Variants in ERICH1 observed in about 807,000 individuals in gnomAD.
The protein encoded by ERICH1 is glutamate-rich protein 1.
Under a neutral mutation model 39.6 loss-of-function variants are expected in ERICH1, and 56 were observed. The ratio of observed to expected loss-of-function variants is 1.41; its 90% CI spans 1.14 to 1.77. ERICH1 has a LOEUF of 1.77. Among genes scored for constraint, ERICH1 ranks in the 40% most tolerant of loss-of-function variants. The probability of loss-of-function intolerance (pLI) is 0.00; values close to 1 mark genes in which losing one functional copy is unlikely to be tolerated. For synonymous variants in ERICH1, 313 were observed against 223.6 expected, an observed-to-expected ratio of 1.40 and a Z score of -3.57; for missense variants, 826 against 575.4, an observed-to-expected ratio of 1.44 and a Z score of -4.45.
At chr8:677,101 G>A (rs1186871599) in intron 3 of ERICH1, among the ~76,000 whole-genome samples, 2 of 152,216 alleles carry the variant, frequency 1.3e-5, no homozygotes, top group East Asian at 3.8e-4. Flanking sequence ...TGCTGGACAG[G>A]AACCCTGCAG....
intron 3 of ERICH1, among the ~76,000 whole-genome samples, chr8:627,644 G>A (rs1326991011): frequency 1.3e-5 from 2 of 152,160 alleles, no homozygotes; most frequent in East Asian, 1.9e-4. Context: ...ACGGAGGTCC[G>A]GGGTGCCTCC....
intron 3 of ERICH1, among the ~76,000 whole-genome samples, chr8:638,376 A>G (rs1798617803): frequency 6.6e-6 from 1 of 152,058 alleles, no homozygotes; most frequent in South Asian, 2.1e-4. Context: ...TGTTCTTCGG[A>G]GAGGAGGCCT....
intron 2 of ERICH1, among the ~76,000 whole-genome samples, chr8:712,979 TCAA>T (rs1327284786): frequency 1.3e-5 from 2 of 152,224 alleles, no homozygotes; most frequent in African/African-American, 4.8e-5. Flanking sequence ...CTGGGCGAAG[TCAA>T]CAACAGACAT....
chr8:705,341 G>A lies in ERICH1; in HGVS notation c.169+10520C>T, dbSNP rs537489942. Among the ~76,000 whole-genome samples the A allele has an allele frequency of 4.6e-5, 7 of 152,362 alleles. No individual in the cohort carries two copies. In the South Asian group the frequency reaches 1.4e-3, roughly 32 times the overall value. On this transcript the variant is annotated intron_variant, in intron 2 of 5. Transcript: ENST00000262109. ...ACACTGCGCGATGGCCCGTGCAGAA[G>A]TGACCCACGGTTCTTACGTTTTTTA... is the stretch of plus-strand genomic sequence containing the variant.
chr8:643,684 G>C lies in ERICH1; in HGVS notation c.976+24914C>G, dbSNP rs74862965. ...ACTCTGAGCGATGGGACAGCATCTG[G>C]AATGTCACTGAGCCATCCGCGACTT... On this transcript the variant is annotated intron_variant, in intron 3 of 3. Transcript: ENST00000522706. Among the ~76,000 whole-genome samples, 84 of 152,320 alleles carry C rather than the reference G, an allele frequency of 5.5e-4. 2 individuals carry two copies. The East Asian group carries it at 0.015, about 28-fold the overall frequency.
At chr8:727,231 C>A (rs1818979522) in intron 1 of ERICH1, among the ~76,000 whole-genome samples, 1 of 152,302 alleles carries the variant, frequency 6.6e-6, no homozygotes, top group Middle Eastern at 3.4e-3. Flanking sequence ...CAGCGGCACA[C>A]ATACATGCAT....
At chr8:687,784 G>A (rs1337508540) in intron 3 of ERICH1, among the ~76,000 whole-genome samples, 1 of 152,140 alleles carries the variant, frequency 6.6e-6, no homozygotes, top group Non-Finnish European at 1.5e-5. Flanking sequence ...GGCCGTAGTA[G>A]GTGGAATACG....
At chr8:705,620 C>T (rs938808733) in intron 2 of ERICH1, among the ~76,000 whole-genome samples, 2 of 152,086 alleles carry the variant, frequency 1.3e-5, no homozygotes, top group South Asian at 2.1e-4. Flanking sequence ...AGGAATGAGA[C>T]CAGGATTCCC....
intron 3 of ERICH1, among the ~76,000 whole-genome samples, chr8:678,152 T>TAA (rs139208924): frequency 6.7e-6 from 1 of 148,404 alleles, no homozygotes; most frequent in Non-Finnish European, 1.5e-5. Context: ...TAATATACAT[T>TAA]AAAAAAAAAA....
intron 3 of ERICH1, among the ~76,000 whole-genome samples, chr8:634,234 A>G (rs1798254743): frequency 2.0e-5 from 3 of 151,932 alleles, no homozygotes; most frequent in Non-Finnish European, 4.4e-5. Flanking sequence ...ACTTGAATCA[A>G]CATTTATCCA....
intron 5 of ERICH1, among the ~76,000 whole-genome samples, chr8:665,294 G>C (rs982240539): frequency 2.6e-5 from 4 of 152,140 alleles, no homozygotes; most frequent in Non-Finnish European, 5.9e-5. Context: ...ACTGGTCCCC[G>C]GCTCCAACCT....
rs757353451 is a variant in ERICH1 at position 692,614 on chromosome 8, T to C, written c.170-2A>G. 1 of 1,579,212 alleles carries C rather than the reference T, an allele frequency of 6.3e-7. No individual in the cohort carries two copies. Among genetic ancestry groups the C allele is most frequent in the African/African-American group, 1.4e-5 (1 of 73,518 alleles). On this transcript the variant is annotated splice_acceptor_variant, in intron 2 of 5. Coordinates refer to ENST00000262109, the MANE Select transcript of ERICH1 (RefSeq NM_207332.3). LOFTEE classifies it high-confidence loss of function. ...CAGTCGGGGTCTCAGAGCCAGTGTCTGCAACACAGGAGGAAAATAACAGGA... is the reference window on the plus strand; with the variant it reads ...CAGTCGGGGTCTCAGAGCCAGTGTCCGCAACACAGGAGGAAAATAACAGGA...
intron 3 of ERICH1, among the ~76,000 whole-genome samples, chr8:622,711 G>C (rs914963368): frequency 3.9e-5 from 6 of 152,184 alleles, no homozygotes; most frequent in African/African-American, 7.2e-5. Context: ...CCAGAACTTT[G>C]GGAGGCTGAG....
intron 3 of ERICH1, among the ~76,000 whole-genome samples, chr8:687,725 TGCCCGCCGCGCCCGGGGGAGCGCGCCAG>T (rs1460528487): frequency 1.3e-5 from 2 of 151,988 alleles, no homozygotes; most frequent in South Asian, 2.1e-4. Flanking sequence ...CTGCGGCCAG[TGCCCGCCGCGCCCGGGGGAGCGCGCCAG>T]GCCCGCGGGG....
chr8:622,202 A>C (rs1797325593), intron 3 of ERICH1, among the ~76,000 whole-genome samples: 1 of 152,168 alleles, frequency 6.6e-6, no homozygotes, highest in African/African-American at 2.4e-5. Context: ...ATCCTGGGTG[A>C]CAGAGCAAGA....
chr8:624,727 T>A (rs1274206246), intron 3 of ERICH1, among the ~76,000 whole-genome samples: 1 of 151,714 alleles, frequency 6.6e-6, no homozygotes. Flanking sequence ...TTTATTTTTA[T>A]TTTTATTTTT....
chr8:717,167 G>T (rs944382069), intron 1 of ERICH1, among the ~76,000 whole-genome samples: 1 of 152,176 alleles, frequency 6.6e-6, no homozygotes, highest in Non-Finnish European at 1.5e-5. Flanking sequence ...GCTTTTGCTG[G>T]GAGGAAACGA....
At position 699,686 on chromosome 8, in the gene ERICH1, CAG is replaced by C. The variant is rs148089576; in HGVS notation, c.170-7076_170-7075del. ...GCACGTACAGACCCGCACACGTGCA[CAG>C]ACTCACACAGGCGCACAGACCCGCA... On this transcript the variant is annotated intron_variant, in intron 2 of 5. Transcript: ENST00000262109. 8.2e-3 allele frequency among the ~76,000 whole-genome samples: 1,225 copies of C among 149,216 alleles called. 33 individuals are homozygous for C. The highest frequency in any genetic ancestry group is 0.029 in the African/African-American group (1,140 of 38,888).
chr8:635,383 C>G (rs557855953), intron 3 of ERICH1, among the ~76,000 whole-genome samples: 1 of 152,344 alleles, frequency 6.6e-6, no homozygotes, highest in South Asian at 2.1e-4. Context: ...CTGAGCTTCC[C>G]TCCAAAGTCC....
Sources: gnomAD v4.1 joint callset for allele counts (sites outside exome capture counted in the v4.1 genomes callset) on GRCh38, gnomAD v4.1.1 for gene constraint, MANE v1.5 for transcripts, NCBI Gene and HGNC (gene_info 2026-07-23, HGNC 2026-07-21) for gene names.